STRA8: variants seen among roughly 807,000 people sequenced by gnomAD.
The protein encoded by STRA8 is stimulated by retinoic acid 8.
STRA8 carries 18 observed loss-of-function variants against 37.1 expected under a neutral mutation model. The observed-to-expected ratio is 0.48, with a 90% CI of 0.34 to 0.72. STRA8 has a LOEUF of 0.72. Ranked by LOEUF, STRA8 falls within the 30% of genes least tolerant of loss-of-function variation. The probability of loss-of-function intolerance (pLI) is 0.01; values close to 1 mark genes in which losing one functional copy is unlikely to be tolerated. For missense variants in STRA8, 357 were observed against 410.4 expected (o/e 0.87, Z 1.13); for synonymous variants, 168 against 162.9 (o/e 1.03, Z -0.24).
upstream of STRA8, among the ~76,000 whole-genome samples, chr7:135,232,473 T>C (rs977084497): frequency 1.3e-5 from 2 of 151,906 alleles, no homozygotes. Flanking sequence ...GAAAGGCCTG[T>C]CTCTACAAAA....
chr7:135,245,426 G>GGAGGAGGAAGAGGAGGAAGAGGAA lies in STRA8; in HGVS notation c.497_498insGGAAGAGGAGGAAGAGGAAGAGGA (p.Glu171_Glu178dup). On this transcript the variant is annotated inframe_insertion, in exon 5 of 9. Transcript: ENST00000662584. ...AGGAGGAGGAAGAAGAAGAGGAGGA[G>GGAGGAGGAAGAGGAGGAAGAGGAA]GAGGAAGAGGAGGAAGAGGAAGAGG... The GGAGGAGGAAGAGGAGGAAGAGGAA allele has an allele frequency of 2.6e-6, 2 of 762,950 alleles. No individual in the cohort carries two copies. Among genetic ancestry groups the GGAGGAGGAAGAGGAGGAAGAGGAA allele is most frequent in the South Asian group, 2.7e-5 (2 of 73,166 alleles). The allele number at this position is 762,950 out of a possible 1,614,324, so 47.3% of individuals were successfully genotyped here. A position where few individuals can be genotyped will look rare whatever the true frequency, so the allele number is the denominator to read the frequency against.
intron 6 of STRA8, 120 bp from the exon 7 acceptor site, chr7:135,251,676 C>T: frequency 1.1e-6 from 1 of 926,810 alleles, no homozygotes; most frequent in South Asian, 1.4e-5. Flanking sequence ...CTCTGACATG[C>T]ATGCCCTCTG....
chr7:135,242,979 G>A, intron 3 of STRA8, 123 bp downstream of exon 3: 1 of 1,072,314 alleles, frequency 9.3e-7, no homozygotes, highest in Non-Finnish European at 1.4e-6. Context: ...CCTACTGTGT[G>A]CCAGGAACTG....
Position 135,246,834 on chromosome 7 carries a change from A to T in STRA8, c.879+132A>T, listed in dbSNP as rs1832565998. ...TTCTGGCTCCCAAGGTCGGTTTCTG[A>T]TTTTCTTTTTTCTCTTTTTTTTTTT... On this transcript the variant is annotated intron_variant, in intron 6 of 8. Coordinates refer to ENST00000662584, the MANE Select transcript of STRA8 (RefSeq NM_001394401.1). The surrounding 1 kb of genome is among the most constrained non-coding windows in gnomAD (Gnocchi z 5.4). The T allele has an allele frequency of 1.2e-5, 11 of 931,792 alleles. No homozygotes were observed. The highest frequency in any genetic ancestry group is 4.1e-5 in the South Asian group (2 of 49,022). 57.7% of individuals were successfully genotyped at this position (931,792 alleles called of 1,614,324 possible).
chr7:135,246,414 C>A lies in STRA8; in HGVS notation c.594-3C>A. The A allele has an allele frequency of 1.3e-6, 2 of 1,599,862 alleles. No individual in the cohort carries two copies. Among genetic ancestry groups the A allele is most frequent in the Non-Finnish European group, 1.7e-6 (2 of 1,172,392 alleles). ...GTGCGAGACGGCGCCGCTTCTGTTC[C>A]AGGTATCTCAACTTTTACAAACAGA... On this transcript the variant is annotated splice_polypyrimidine_tract_variant and splice_region_variant and intron_variant, in intron 5 of 8. Transcript: ENST00000662584. This position sits in a 1 kb window ranked among gnomAD's most constrained non-coding sequence, Gnocchi z 5.4.
At chr7:135,253,355 A>G (rs1203615909) in intron 7 of STRA8, among the ~76,000 whole-genome samples, 3 of 152,172 alleles carry the variant, frequency 2.0e-5, no homozygotes, top group South Asian at 2.1e-4. Context: ...AGGCTTCAGC[A>G]TATGAATTTC....
intron 4 of STRA8, among the ~76,000 whole-genome samples, chr7:135,244,949 T>C (rs1403218625): frequency 1.3e-5 from 2 of 152,226 alleles, no homozygotes; most frequent in Non-Finnish European, 2.9e-5. Context: ...GTAGGTTTTT[T>C]GGAGATACCC....
chr7:135,241,472 T>C (rs1230274090), intron 2 of STRA8, among the ~76,000 whole-genome samples: 5 of 152,106 alleles, frequency 3.3e-5, no homozygotes, highest in African/African-American at 1.2e-4. Flanking sequence ...GGGTCCCCCC[T>C]CCATGCCCAC....
Position 135,245,287 on chromosome 7 carries a change from G to A in STRA8, c.354-1G>A, listed in dbSNP as rs760789670. On this transcript the variant is annotated splice_acceptor_variant, in intron 4 of 8. Transcript: ENST00000662584. LOFTEE classifies it high-confidence loss of function. ...TGTCTTGTTTCTGTTTTCTTTCCCA[G>A]CCTGCTTTCAAACAGTTTTCCTCAG... is the stretch of plus-strand genomic sequence containing the variant. The A allele has an allele frequency of 1.2e-5, 9 of 780,796 alleles. No homozygotes were observed. Among genetic ancestry groups the A allele is most frequent in the Non-Finnish European group, 2.2e-5 (9 of 418,086 alleles). 48.4% of individuals were successfully genotyped at this position (780,796 alleles called of 1,614,324 possible). A position where few individuals can be genotyped will look rare whatever the true frequency, so the allele number is the denominator to read the frequency against.
rs1832529477 is a variant in STRA8 at position 135,245,281 on chromosome 7, T to C, written c.354-7T>C. The C allele has an allele frequency of 1.3e-6, 1 of 780,898 alleles. No individual in the cohort carries two copies. Among genetic ancestry groups the C allele is most frequent in the Non-Finnish European group, 2.4e-6 (1 of 418,104 alleles). 48.4% of individuals were successfully genotyped at this position (780,898 alleles called of 1,614,324 possible). On this transcript the variant is annotated splice_region_variant and splice_polypyrimidine_tract_variant and intron_variant, in intron 4 of 8. Coordinates refer to ENST00000662584, the MANE Select transcript of STRA8 (RefSeq NM_001394401.1). ...TATAGTTGTCTTGTTTCTGTTTTCT[T>C]TCCCAGCCTGCTTTCAAACAGTTTT...
chr7:135,248,697 A>T (rs1562972184), intron 6 of STRA8, among the ~76,000 whole-genome samples: 1 of 152,128 alleles, frequency 6.6e-6, no homozygotes, highest in Non-Finnish European at 1.5e-5. Context: ...GCAACACAGC[A>T]AGACTCTATC....
intron 1 of STRA8, among the ~76,000 whole-genome samples, chr7:135,239,095 A>G (rs1228391355): frequency 6.6e-6 from 1 of 152,246 alleles, no homozygotes; most frequent in East Asian, 1.9e-4. Flanking sequence ...AAGTGTTTCA[A>G]CATCCCACAC....
At chr7:135,239,796 A>T (rs1172102707) in intron 1 of STRA8, among the ~76,000 whole-genome samples, 8 of 152,184 alleles carry the variant, frequency 5.3e-5, no homozygotes, top group African/African-American at 1.9e-4. Flanking sequence ...AACCCACTAG[A>T]GGCAAGATAA....
chr7:135,253,540 G>C (rs1336641742), intron 7 of STRA8, among the ~76,000 whole-genome samples: 2 of 152,192 alleles, frequency 1.3e-5, no homozygotes, highest in African/African-American at 4.8e-5. Context: ...GCAAAGGGGG[G>C]TTGCTGCTTT....
Position 135,245,442 on chromosome 7 carries a change from G to C in STRA8, c.508G>C (p.Glu170Gln). The part of the protein sequence containing the change: ...EEEEEEEEEE[E>Q]EEEEEEEEKK... ...AGAGGAGGAGGAGGAAGAGGAGGAA[G>C]AGGAAGAGGAGGAGGAGGAAGAGGA... The change falls in exon 5 of 9, where the codon GAG becomes CAG. Residue 170 changes from glutamate to glutamine, a missense_variant. Transcript: ENST00000662584. 6.7e-6 allele frequency: 5 copies of C among 751,656 alleles called. No homozygotes were observed. The Admixed American group carries it at 9.1e-5, about 14-fold the overall frequency. 46.6% of individuals were successfully genotyped at this position (751,656 alleles called of 1,614,324 possible). A position where few individuals can be genotyped will look rare whatever the true frequency, so the allele number is the denominator to read the frequency against.
upstream of STRA8, chr7:135,232,004 T>A (rs762330819): frequency 4.3e-6 from 7 of 1,613,922 alleles, no homozygotes; most frequent in Middle Eastern, 1.6e-4. Flanking sequence ...GTGGACAAGA[T>A]CCTCTTTTTC....
At chr7:135,247,122 G>A (rs1249464035) in intron 6 of STRA8, 2 of 162,334 alleles carry the variant, frequency 1.2e-5, no homozygotes, top group African/African-American at 4.8e-5. Context: ...TGGGATTACA[G>A]GCGTGAGCCA....
rs745884496 is a variant in STRA8, at chr7:135,246,585, C to T, written c.762C>T (p.Arg254=). The T allele has an allele frequency of 2.9e-5, 44 of 1,543,226 alleles. No homozygotes were observed. The highest frequency in any genetic ancestry group is 1.9e-4 in the African/African-American group (14 of 73,120). ...GGCAGGCCTGGGCGCAGAAGCACCGCGGCCCTGCGACCCTGGCGGAGGCCT... is the reference window on the plus strand; with the variant it reads ...GGCAGGCCTGGGCGCAGAAGCACCGTGGCCCTGCGACCCTGGCGGAGGCCT... The part of the protein sequence containing the change: ...SLRQAWAQKH[R]GPATLAEACR... Residue 254 remains arginine, a synonymous_variant, in exon 6 of 9, where the codon CGC becomes CGT. Transcript: ENST00000662584. This position sits in a 1 kb window ranked among gnomAD's most constrained non-coding sequence, Gnocchi z 5.4.
chr7:135,232,131 T>TGGG, upstream of STRA8: 20 of 652,408 alleles, frequency 3.1e-5, no homozygotes, highest in East Asian at 4.0e-5. Flanking sequence ...GGGCGGGAGG[T>TGGG]GGGGTGACTA....
Sources: allele counts gnomAD v4.1 joint callset (sites outside exome capture counted in the v4.1 genomes callset), GRCh38; gene constraint gnomAD v4.1.1; non-coding constraint Gnocchi (gnomAD v3.1); transcripts MANE v1.5; gene names NCBI Gene and HGNC (gene_info 2026-07-23, HGNC 2026-07-21).